The following LAMB3 variants were observed in gnomAD, a reference collection of about 807,000 sequenced individuals.
The protein encoded by LAMB3 is laminin subunit beta-3.
Under a neutral mutation model 140.3 loss-of-function variants are expected in LAMB3, and 104 were observed. The observed-to-expected ratio is 0.74, with a 90% CI of 0.63 to 0.87. The LOEUF (loss-of-function observed/expected upper bound fraction) is 0.87. Ranked by LOEUF, LAMB3 falls within the 40% of genes least tolerant of loss-of-function variation. The pLI is 0.00. For missense variants in LAMB3, 1,531 were observed against 1,575.2 expected (o/e 0.97, Z 0.47); for synonymous variants, 592 against 602.9 (o/e 0.98, Z 0.26).
intron 1 of LAMB3, 179 bp from the exon 2 acceptor site, chr1:209,651,160 C>A (rs986045830): frequency 1.6e-6 from 1 of 606,216 alleles, no homozygotes. Context: ...GCTCTAGACC[C>A]TTGTCTCAAG....
intron 6 of LAMB3, 25 bp from the exon 7 acceptor site, chr1:209,633,158 C>A (rs112756056): frequency 2.7e-5 from 42 of 1,566,226 alleles, no homozygotes; most frequent in African/African-American, 1.4e-5. Context: ...GAAAGAGAAG[C>A]GCTGAAGAAG....
intron 3 of LAMB3, among the ~76,000 whole-genome samples, chr1:209,648,298 T>A (rs549192571): frequency 6.6e-6 from 1 of 152,298 alleles, no homozygotes; most frequent in African/African-American, 2.4e-5. Flanking sequence ...ACAGCGAGGC[T>A]TACACAGGGG....
In LAMB3 at chr1:209,623,367, G is replaced by T; in HGVS notation, c.2358+138C>A. 9.6e-7 allele frequency: 1 copy of T among 1,040,882 alleles called. No homozygotes were observed. The highest frequency in any genetic ancestry group is 1.6e-5 in the African/African-American group (1 of 63,616). The allele number at this position is 1,040,882 out of a possible 1,614,324, so 64.5% of individuals were successfully genotyped here. On this transcript the variant is annotated intron_variant, in intron 16 of 22. Transcript: ENST00000356082. This position sits in a 1 kb window ranked among gnomAD's most constrained non-coding sequence, Gnocchi z 4.2. The stretch of plus-strand genomic sequence containing the variant: ...GCAACCACTGAGCTCACAGTGAGCA[G>T]TACAAGGGTCGGGATGGCTGGGGGA...
At chr1:209,651,618 A>G (rs1387222682) in intron 1 of LAMB3, among the ~76,000 whole-genome samples, 1 of 152,212 alleles carries the variant, frequency 6.6e-6, no homozygotes, top group East Asian at 1.9e-4. Context: ...AAGCAACCCA[A>G]AATGTCTTCA....
chr1:209,617,833 G>T, intron 20 of LAMB3, 74 bp downstream of exon 20: 3 of 1,579,310 alleles, frequency 1.9e-6, no homozygotes, highest in East Asian at 4.5e-5. Flanking sequence ...TCACTTTCTG[G>T]CATTTTCTAT....
intron 3 of LAMB3, among the ~76,000 whole-genome samples, chr1:209,647,562 G>A (rs1450413698): frequency 2.6e-5 from 4 of 152,232 alleles, no homozygotes; most frequent in African/African-American, 7.2e-5. Context: ...AGATAGAACA[G>A]AGGCACTAGC....
intron 3 of LAMB3, among the ~76,000 whole-genome samples, chr1:209,639,539 AG>A (rs769183682): frequency 6.6e-6 from 1 of 152,238 alleles, no homozygotes; most frequent in Non-Finnish European, 1.5e-5. Flanking sequence ...TGGCAGAGCA[AG>A]GATCACCAAG....
intron 5 of LAMB3, among the ~76,000 whole-genome samples, chr1:209,635,388 T>TTTTG (rs111289650): frequency 0.033 from 4,935 of 151,654 alleles, 213 homozygotes; most frequent in African/African-American, 0.1. Flanking sequence ...ATCTTCTGTT[T>TTTTG]TTTGTTTGTT....
chr1:209,621,553 C>T (rs1666195690), intron 18 of LAMB3, among the ~76,000 whole-genome samples: 1 of 152,222 alleles, frequency 6.6e-6, no homozygotes, highest in Non-Finnish European at 1.5e-5. Flanking sequence ...TGGCAGGAAC[C>T]AGAAATCTAA....
intron 18 of LAMB3, among the ~76,000 whole-genome samples, chr1:209,621,297 C>G (rs742256): frequency 3.9e-5 from 6 of 152,114 alleles, no homozygotes; most frequent in Admixed American, 3.3e-4. Context: ...CCATCATCCA[C>G]GTTTGTGGGG....
In LAMB3 at chr1:209,618,654, C is replaced by T. The variant is rs924334234; in HGVS notation, c.2707G>A (p.Asp903Asn). 15 of 1,515,878 alleles carry T rather than the reference C, an allele frequency of 9.9e-6. No individual in the cohort carries two copies. The highest frequency in any genetic ancestry group is 8.2e-5 in the Admixed American group (4 of 48,964). The allele number at this position is 1,515,878 out of a possible 1,614,324, so 93.9% of individuals were successfully genotyped here. A position where few individuals can be genotyped will look rare whatever the true frequency, so the allele number is the denominator to read the frequency against. ...QQVRDFLTDP[D>N]TDAATIQEVS... The stretch of plus-strand genomic sequence containing the variant: ...TCCTGGATAGTGGCTGCATCAGTGT[C>T]GGGGTCTGGAAGACAACACGCATTT... Residue 903 changes from aspartate to asparagine, a missense_variant, in exon 19 of 23, where the codon GAC becomes AAC. Physicochemically the swap from Asp to Asn is conservative, Grantham distance 23. Coordinates refer to ENST00000356082, the MANE Select transcript of LAMB3 (RefSeq NM_000228.3).
At chr1:209,620,379 G>A (rs1191283264) in intron 18 of LAMB3, among the ~76,000 whole-genome samples, 3 of 152,206 alleles carry the variant, frequency 2.0e-5, no homozygotes, top group African/African-American at 7.2e-5. Flanking sequence ...TAGGTCCAGG[G>A]AGGCTGCCTG....
Position 209,617,695 on chromosome 1 carries a change from A to G in LAMB3, c.3052-109T>C, listed in dbSNP as rs1666024043. The G allele has an allele frequency of 2.2e-6, 3 of 1,371,484 alleles. No homozygotes were observed. In the South Asian group the frequency reaches 3.6e-5, roughly 17 times the overall value. 85.0% of individuals were successfully genotyped at this position (1,371,484 alleles called of 1,614,324 possible). Reference sequence around the variant, plus strand: ...GGCAGCAAAAACCCTCTCCAACCAGAACAAACACAATTGCCCACCTCTCAC... The same window carrying G: ...GGCAGCAAAAACCCTCTCCAACCAGGACAAACACAATTGCCCACCTCTCAC... On this transcript the variant is annotated intron_variant, in intron 20 of 22. Coordinates refer to ENST00000356082, the MANE Select transcript of LAMB3 (RefSeq NM_000228.3).
At position 209,623,315 on chromosome 1, in the gene LAMB3, G is replaced by T; in HGVS notation, c.2359-136C>A. The T allele has an allele frequency of 1.9e-6, 2 of 1,049,480 alleles. No homozygotes were observed. Among genetic ancestry groups the T allele is most frequent in the Non-Finnish European group, 2.9e-6 (2 of 687,402 alleles). 65.0% of individuals were successfully genotyped at this position (1,049,480 alleles called of 1,614,324 possible). A position where few individuals can be genotyped will look rare whatever the true frequency, so the allele number is the denominator to read the frequency against. ...GAAACAGCCAGACATCTCCATGAGA[G>T]CTAAGGACCAGAAACTGGTTTCCTT... is the stretch of plus-strand genomic sequence containing the variant. On this transcript the variant is annotated intron_variant, in intron 16 of 22. Transcript: ENST00000356082. The surrounding 1 kb of genome is among the most constrained non-coding windows in gnomAD (Gnocchi z 4.2).
intron 2 of LAMB3, among the ~76,000 whole-genome samples, chr1:209,650,330 G>C (rs2076554717): frequency 6.6e-6 from 1 of 152,214 alleles, no homozygotes; most frequent in Admixed American, 6.5e-5. Context: ...TTGAAAAGGA[G>C]AAGAGGAGAA....
rs766399202 is a variant in LAMB3, at chr1:209,617,474, G to A, written c.3164C>T (p.Ala1055Val). 2.5e-6 allele frequency: 4 copies of A among 1,613,722 alleles called. No individual in the cohort carries two copies. In the South Asian group the frequency reaches 4.4e-5, roughly 18 times the overall value. ...AAGCTGCTGGGCCTGGACTGCCTCTGCCCCCTGCTGCCGGGCTTGGTGGCG... is the reference window on the plus strand; with the variant it reads ...AAGCTGCTGGGCCTGGACTGCCTCTACCCCCTGCTGCCGGGCTTGGTGGCG... ...ELRHQARQQG[A>V]EAVQAQQLAE... The change falls in exon 21 of 23, where the codon GCA (alanine) becomes GTA (valine). Residue 1055 changes from alanine to valine, a missense_variant. Transcript: ENST00000356082.
chr1:209,645,739 G>C (rs59514811), intron 3 of LAMB3, among the ~76,000 whole-genome samples: 34,225 of 140,988 alleles, frequency 0.24, 4,688 homozygotes, highest in East Asian at 0.44. Context: ...AAAAAAAAAA[G>C]CAGATATTTT....
Position 209,618,635 on chromosome 1 carries a change from A to T in LAMB3, c.2726T>A (p.Ile909Asn). Residue 909 changes from isoleucine (I) to asparagine (N), a missense_variant, in exon 19 of 23, where the codon ATC (isoleucine) becomes AAC (asparagine). By Grantham distance (149) the Ile-to-Asn change is moderately radical. Coordinates refer to ENST00000356082, the MANE Select transcript of LAMB3 (RefSeq NM_000228.3). ...LTDPDTDAATIQEVSEAVLAL... is the reference protein window; with the variant it reads ...LTDPDTDAATNQEVSEAVLAL... ...CAGCACGGCCTCGCTGACCTCCTGG[A>T]TAGTGGCTGCATCAGTGTCGGGGTC... 5.6e-6 allele frequency: 9 copies of T among 1,612,176 alleles called. No individual in the cohort carries two copies. Among genetic ancestry groups the T allele is most frequent in the Non-Finnish European group, 7.6e-6 (9 of 1,179,784 alleles).
intron 21 of LAMB3, among the ~76,000 whole-genome samples, chr1:209,616,890 T>G (rs1665987381): frequency 6.6e-6 from 1 of 152,204 alleles, no homozygotes; most frequent in Non-Finnish European, 1.5e-5. Flanking sequence ...ATATTAATAG[T>G]AGGCTGTCAC....
Sources: allele counts gnomAD v4.1 joint callset (sites outside exome capture counted in the v4.1 genomes callset), GRCh38; gene constraint gnomAD v4.1.1; non-coding constraint Gnocchi (gnomAD v3.1); transcripts MANE v1.5; gene names NCBI Gene and HGNC (gene_info 2026-07-23, HGNC 2026-07-21).